KCTD8: variants seen among roughly 807,000 people sequenced by gnomAD.
The protein encoded by KCTD8 is BTB/POZ domain-containing protein KCTD8.
Under a neutral mutation model 31.5 loss-of-function variants are expected in KCTD8, and 27 were observed. That is an observed-to-expected ratio of 0.86 (90% CI 0.63 to 1.18). The LOEUF is 1.18. Ranked by LOEUF, KCTD8 falls within the 50% of genes most tolerant of loss-of-function variation. KCTD8 has a pLI of 0.00. For synonymous variants in KCTD8, 290 were observed against 280.0 expected, an observed-to-expected ratio of 1.04 and a Z score of -0.36; for missense variants, 658 against 647.7, an observed-to-expected ratio of 1.02 and a Z score of -0.17.
intron 1 of KCTD8, among the ~76,000 whole-genome samples, chr4:44,355,483 C>A (rs574778246): frequency 1.3e-5 from 2 of 152,174 alleles, no homozygotes; most frequent in South Asian, 4.1e-4. Context: ...ATTTTGTGAT[C>A]TCAAAACTAA....
chr4:44,429,430 A>C (rs1309520338), intron 1 of KCTD8, among the ~76,000 whole-genome samples: 1 of 151,790 alleles, frequency 6.6e-6, no homozygotes, highest in Non-Finnish European at 1.5e-5. Flanking sequence ...AGAAGTACCT[A>C]CTGGATTTAA....
At chr4:44,323,503 C>CA (rs1553901399) in intron 1 of KCTD8, among the ~76,000 whole-genome samples, 12 of 128,076 alleles carry the variant, frequency 9.4e-5, no homozygotes, top group African/African-American at 2.6e-4. Context: ...CCCACCCACC[C>CA]CCCCCCAAAA....
intron 1 of KCTD8, among the ~76,000 whole-genome samples, chr4:44,307,870 A>G (rs1272420071): frequency 6.6e-6 from 1 of 152,018 alleles, no homozygotes; most frequent in African/African-American, 2.4e-5. Flanking sequence ...TCAAAAATTC[A>G]TAAAACAAAT....
intron 1 of KCTD8, among the ~76,000 whole-genome samples, chr4:44,226,106 G>C (rs992997571): frequency 1.3e-5 from 2 of 152,064 alleles, no homozygotes; most frequent in African/African-American, 4.8e-5. Context: ...GGGATTACAG[G>C]CGTGAGCCAC....
chr4:44,284,284 T>C (rs796861457), intron 1 of KCTD8, among the ~76,000 whole-genome samples: 13 of 152,124 alleles, frequency 8.5e-5, no homozygotes, highest in African/African-American at 2.9e-4. Flanking sequence ...AACAAATACA[T>C]AGACCAACGG....
chr4:44,341,988 T>C (rs1718910350), intron 1 of KCTD8, among the ~76,000 whole-genome samples: 1 of 152,178 alleles, frequency 6.6e-6, no homozygotes. Flanking sequence ...ATCTGCTCTG[T>C]TGGCAGGCAG....
chr4:44,231,437 C>T (rs1715115116), intron 1 of KCTD8, among the ~76,000 whole-genome samples: 1 of 152,164 alleles, frequency 6.6e-6, no homozygotes, highest in African/African-American at 2.4e-5. Context: ...TTACCTATGA[C>T]ATTTAACAAT....
chr4:44,339,058 T>A (rs1029992262), intron 1 of KCTD8, among the ~76,000 whole-genome samples: 3 of 152,136 alleles, frequency 2.0e-5, no homozygotes, highest in African/African-American at 7.2e-5. Flanking sequence ...ATATAGAAAT[T>A]TAGGGTTAAT....
chr4:44,277,458 T>C (rs1716782405), intron 1 of KCTD8, among the ~76,000 whole-genome samples: 1 of 151,768 alleles, frequency 6.6e-6, no homozygotes, highest in East Asian at 1.9e-4. Flanking sequence ...AGAAAAGAAA[T>C]AGTAACTAAC....
intron 1 of KCTD8, among the ~76,000 whole-genome samples, chr4:44,301,568 C>G (rs1402895658): frequency 1.6e-4 from 24 of 151,852 alleles, no homozygotes; most frequent in Admixed American, 3.3e-4. Context: ...GGGGTTGTTT[C>G]TTTTTTTCTT....
At chr4:44,288,386 T>G (rs962869702) in intron 1 of KCTD8, among the ~76,000 whole-genome samples, 4 of 152,046 alleles carry the variant, frequency 2.6e-5, no homozygotes, top group African/African-American at 9.7e-5. Context: ...GACAATGAAA[T>G]CTAGCTAACC....
At chr4:44,190,244 T>C (rs1713726138) in intron 1 of KCTD8, among the ~76,000 whole-genome samples, 1 of 152,228 alleles carries the variant, frequency 6.6e-6, no homozygotes, top group Non-Finnish European at 1.5e-5. Flanking sequence ...GACAAGACTT[T>C]CCTCCCCCTA....
At chr4:44,425,959 T>C (rs550860839) in intron 1 of KCTD8, among the ~76,000 whole-genome samples, 46 of 151,482 alleles carry the variant, frequency 3.0e-4, no homozygotes, top group Admixed American at 7.3e-4. Flanking sequence ...TCACAACATA[T>C]CTATATCAAA....
At chr4:44,348,283 G>A (rs951188206) in intron 1 of KCTD8, among the ~76,000 whole-genome samples, 4 of 152,022 alleles carry the variant, frequency 2.6e-5, no homozygotes, top group African/African-American at 4.8e-5. Context: ...TTCCATTTTC[G>A]TAACTCAGTT....
chr4:44,401,514 A>C (rs1720662661), intron 1 of KCTD8, among the ~76,000 whole-genome samples: 1 of 152,142 alleles, frequency 6.6e-6, no homozygotes, highest in Admixed American at 6.5e-5. Flanking sequence ...AAGAACAATC[A>C]AGTCATAGTA....
chr4:44,416,192 T>C (rs934416411), intron 1 of KCTD8, among the ~76,000 whole-genome samples: 1 of 152,228 alleles, frequency 6.6e-6, no homozygotes, highest in African/African-American at 2.4e-5. Flanking sequence ...CTACTGTCTC[T>C]CTCTTTTGGC....
chr4:44,213,070 T>A (rs1223191624), intron 1 of KCTD8, among the ~76,000 whole-genome samples: 2 of 152,122 alleles, frequency 1.3e-5, no homozygotes, highest in East Asian at 3.9e-4. Flanking sequence ...CCCGAGTAGC[T>A]GGGTCTACAG....
At chr4:44,278,474 A>G (rs1716812393) in intron 1 of KCTD8, among the ~76,000 whole-genome samples, 1 of 152,048 alleles carries the variant, frequency 6.6e-6, no homozygotes, top group Non-Finnish European at 1.5e-5. Context: ...AATTACTTTC[A>G]TATTGCTTAA....
At position 44,418,979 on chromosome 4, in the gene KCTD8, T is replaced by G. The variant is rs1721144929; in HGVS notation, c.961+28584A>C. ...GTGCTTAATAAAACTCAAATTATTT[T>G]ACTACTCTTTTTAAACATTCTAACA... On this transcript the variant is annotated intron_variant, in intron 1 of 1. Coordinates refer to ENST00000360029, the MANE Select transcript of KCTD8 (RefSeq NM_198353.3). Among the ~76,000 whole-genome samples the G allele has an allele frequency of 2.0e-5, 3 of 152,244 alleles. No homozygotes were observed. The South Asian group carries it at 6.2e-4, about 31-fold the overall frequency.
Sources: allele counts gnomAD v4.1 joint callset (sites outside exome capture counted in the v4.1 genomes callset), GRCh38; gene constraint gnomAD v4.1.1; transcripts MANE v1.5; gene names NCBI Gene and HGNC (gene_info 2026-07-23, HGNC 2026-07-21).